CTSK: variants seen among roughly 807,000 people sequenced by gnomAD.
The protein encoded by CTSK is cathepsin O.
In CTSK, 26 loss-of-function variants were observed where a neutral mutation model predicts 40.5. That is an observed-to-expected ratio of 0.64 (90% CI 0.47 to 0.89). CTSK has a LOEUF of 0.89. CTSK is among the 40% of genes least tolerant of loss of function. The probability of loss-of-function intolerance (pLI) is 0.00; values close to 1 mark genes in which losing one functional copy is unlikely to be tolerated. For synonymous variants in CTSK, 132 were observed against 143.2 expected (o/e 0.92, Z 0.56); for missense variants, 292 against 400.1 (o/e 0.73, Z 2.30).
intron 4 of CTSK, among the ~76,000 whole-genome samples, chr1:150,805,189 G>A (rs1654060437): frequency 1.4e-5 from 2 of 145,752 alleles, no homozygotes; most frequent in African/African-American, 5.1e-5. Context: ...ACTCCAGCCT[G>A]GGTGACAGAG....
At position 150,806,704 on chromosome 1, in the gene CTSK, C is replaced by T. The variant is rs1192842027; in HGVS notation, c.102G>A (p.Arg34=). 2 of 1,613,996 alleles carry T rather than the reference C, an allele frequency of 1.2e-6. No individual in the cohort carries two copies. The highest frequency in any genetic ancestry group is 1.7e-6 in the Non-Finnish European group (2 of 1,180,032). ...THWELWKKTH[R]KQYNNKVDEI... is the part of the protein sequence containing the mutation. ...CAGGCACCTTGTTGTTATATTGCTT[C>T]CTGTGGGTCTTCTTCCATAGCTCCC... Residue 34 remains arginine, a synonymous_variant, in exon 2 of 8, where the codon AGG becomes AGA. Coordinates refer to ENST00000271651, the MANE Select transcript of CTSK (RefSeq NM_000396.4).
rs587608592 is a variant in CTSK, at chr1:150,805,664, GGAAAA to G, written c.399+192_399+196del. On this transcript the variant is annotated intron_variant, in intron 4 of 7. Coordinates refer to ENST00000271651, the MANE Select transcript of CTSK (RefSeq NM_000396.4). ...AAAAAAAAAAAAAAAAAAAAAAAAA[GGAAAA>G]GAAAAAGAAAAACCAGAAACAACCC... Among the ~76,000 whole-genome samples, 1,046 of 127,960 alleles carry G rather than the reference GGAAAA, an allele frequency of 8.2e-3. 11 individuals carry two copies. Among genetic ancestry groups the G allele is most frequent in the African/African-American group, 0.028 (980 of 35,020 alleles). 83.9% of individuals were successfully genotyped at this position (127,960 alleles called of 152,430 possible).
chr1:150,801,055 C>G (rs969575595), intron 5 of CTSK: 1 of 132,348 alleles, frequency 7.6e-6, no homozygotes, highest in African/African-American at 2.6e-5. Context: ...TCAGAATAAC[C>G]TGCATTATGC....
rs972351757 is a variant in CTSK at position 150,798,391 on chromosome 1, G to C, written c.890+777C>G. On this transcript the variant is annotated intron_variant, in intron 7 of 7. Transcript: ENST00000271651. ...ACCATCTAAGAAACTGATCACATTAGAGACAAAAGAAAGTAAAAATACGTA... is the reference window on the plus strand; with the variant it reads ...ACCATCTAAGAAACTGATCACATTACAGACAAAAGAAAGTAAAAATACGTA... 1.3e-5 allele frequency among the ~76,000 whole-genome samples: 2 copies of C among 152,158 alleles called. 1 individual carries two copies. The highest frequency in any genetic ancestry group is 4.8e-5 in the African/African-American group (2 of 41,430).
At position 150,796,744 on chromosome 1, in the gene CTSK, A is replaced by G. The variant is rs1653883009; in HGVS notation, c.*55T>C. The G allele has an allele frequency of 3.2e-6, 4 of 1,234,494 alleles. No individual in the cohort carries two copies. The highest frequency in any genetic ancestry group is 4.8e-6 in the Non-Finnish European group (4 of 833,404). 76.5% of individuals were successfully genotyped at this position (1,234,494 alleles called of 1,614,324 possible). A position where few individuals can be genotyped will look rare whatever the true frequency, so the allele number is the denominator to read the frequency against. On this transcript the variant is annotated 3_prime_UTR_variant, in exon 8 of 8. Coordinates refer to ENST00000271651, the MANE Select transcript of CTSK (RefSeq NM_000396.4). ...CAACTCCCTTCCAAAGTGCATCGTT[A>G]CACTGCACCATCGTGGAAGAAATGG...
intron 5 of CTSK, among the ~76,000 whole-genome samples, chr1:150,801,518 C>A (rs1368976505): frequency 1.3e-5 from 2 of 151,666 alleles, no homozygotes; most frequent in African/African-American, 2.4e-5. Flanking sequence ...AATCATTTTA[C>A]TAATTTTACT....
chr1:150,807,677 C>T (rs1027850277), intron 1 of CTSK, among the ~76,000 whole-genome samples: 3 of 152,212 alleles, frequency 2.0e-5, no homozygotes, highest in African/African-American at 7.2e-5. Flanking sequence ...CTTGCATTGG[C>T]TTTCTTAATT....
At position 150,806,019 on chromosome 1, in the gene CTSK, A is replaced by G; in HGVS notation, c.244-3T>C. 1 of 1,614,214 alleles carries G rather than the reference A, an allele frequency of 6.2e-7. No homozygotes were observed. The highest frequency in any genetic ancestry group is 8.5e-7 in the Non-Finnish European group (1 of 1,180,040). On this transcript the variant is annotated splice_region_variant and splice_polypyrimidine_tract_variant and intron_variant, in intron 3 of 7. Coordinates refer to ENST00000271651, the MANE Select transcript of CTSK (RefSeq NM_000396.4). Reference sequence around the variant, plus strand: ...TTCTGAACCACCTCTTCACTGGTCTAAGACAAAGAAGAAAGAGGCCAGGCA... The same window carrying G: ...TTCTGAACCACCTCTTCACTGGTCTGAGACAAAGAAGAAAGAGGCCAGGCA...
chr1:150,806,579 AT>A (rs1557826730), intron 2 of CTSK, 106 bp downstream of exon 2: 10 of 1,447,316 alleles, frequency 6.9e-6, no homozygotes, highest in Admixed American at 1.7e-5. Flanking sequence ...AGAGGGACTG[AT>A]TTGCTTGGAA....
intron 1 of CTSK, among the ~76,000 whole-genome samples, chr1:150,807,085 C>CACACACAG (rs1654119825): frequency 2.5e-5 from 1 of 40,706 alleles, no homozygotes; most frequent in Non-Finnish European, 4.8e-5. Flanking sequence ...CTCTCTCACA[C>CACACACAG]ACACACACAC....
At position 150,796,461 on chromosome 1, in the gene CTSK, A is replaced by C; in HGVS notation, c.*338T>G. The C allele has an allele frequency of 2.3e-6, 1 of 425,682 alleles. No individual in the cohort carries two copies. The highest frequency in any genetic ancestry group is 4.4e-6 in the Non-Finnish European group (1 of 229,406). 26.4% of individuals were successfully genotyped at this position (425,682 alleles called of 1,614,324 possible). On this transcript the variant is annotated 3_prime_UTR_variant, in exon 8 of 8. Coordinates refer to ENST00000271651, the MANE Select transcript of CTSK (RefSeq NM_000396.4). Reference sequence around the variant, plus strand: ...TGCTTAAAGCTAACTAGTCCCGTGAATGAGAATCTAACCTATGTGAAAATC... The same window carrying C: ...TGCTTAAAGCTAACTAGTCCCGTGACTGAGAATCTAACCTATGTGAAAATC...
intron 4 of CTSK, 85 bp downstream of exon 4, chr1:150,805,776 G>T: frequency 7.2e-7 from 1 of 1,387,216 alleles, no homozygotes; most frequent in Non-Finnish European, 1.0e-6. Flanking sequence ...TTTTCCTGGT[G>T]CCCTTTCACC....
At chr1:150,805,638 CAAAAAAAAAAAAAAA>C (rs79027279) in intron 4 of CTSK, among the ~76,000 whole-genome samples, 1 of 55,000 alleles carries the variant, frequency 1.8e-5, no homozygotes, top group Non-Finnish European at 3.2e-5. Context: ...GACTCTATCT[CAAAAAAAAAAAAAAA>C]AAAAAAAAAA....
At chr1:150,799,102 A>G (rs895607416) in intron 7 of CTSK, 66 bp downstream of exon 7, 29 of 1,033,556 alleles carry the variant, frequency 2.8e-5, no homozygotes, top group Admixed American at 1.0e-4. Flanking sequence ...GAATATCGGG[A>G]AGCTGGAGGT....
chr1:150,799,266 A>G lies in CTSK; in HGVS notation c.792T>C (p.Tyr264=), dbSNP rs769392249. Residue 264 remains tyrosine, a synonymous_variant, in exon 7 of 8, where the codon TAT becomes TAC. Coordinates refer to ENST00000271651, the MANE Select transcript of CTSK (RefSeq NM_000396.4). ...TSFQFYSKGV[Y]YDESCNSDNL... ...TATCGCTATTGCAGCTTTCATCATAATACACACCTAGAATACAAACTACCA... is the reference window on the plus strand; with the variant it reads ...TATCGCTATTGCAGCTTTCATCATAGTACACACCTAGAATACAAACTACCA... The G allele has an allele frequency of 1.2e-6, 2 of 1,608,234 alleles. No individual in the cohort carries two copies. The highest frequency in any genetic ancestry group is 1.7e-6 in the Non-Finnish European group (2 of 1,174,590).
intron 5 of CTSK, among the ~76,000 whole-genome samples, chr1:150,803,419 A>T (rs1224733499): frequency 6.6e-6 from 1 of 152,170 alleles, no homozygotes; most frequent in African/African-American, 2.4e-5. Context: ...CCTGTTTCAG[A>T]GGTTTCTGTT....
intron 6 of CTSK, 114 bp downstream of exon 6, chr1:150,799,430 G>T (rs1653939762): frequency 4.4e-6 from 6 of 1,350,588 alleles, no homozygotes; most frequent in Non-Finnish European, 6.4e-6. Context: ...ATTTCTCTCT[G>T]GCCACCTCCA....
intron 5 of CTSK, 72 bp from the exon 6 acceptor site, chr1:150,799,781 C>T (rs1653951009): frequency 7.0e-7 from 1 of 1,425,508 alleles, no homozygotes; most frequent in East Asian, 2.3e-5. Context: ...AGAAACTCAA[C>T]CAATATTTTG....
At chr1:150,802,465 C>G (rs1000301497) in intron 5 of CTSK, among the ~76,000 whole-genome samples, 2 of 152,048 alleles carry the variant, frequency 1.3e-5, no homozygotes, top group Non-Finnish European at 2.9e-5. Flanking sequence ...GTCACCCAGG[C>G]TAGAGAGCAG....
Sources: allele counts gnomAD v4.1 joint callset (sites outside exome capture counted in the v4.1 genomes callset), GRCh38; gene constraint gnomAD v4.1.1; transcripts MANE v1.5; gene names NCBI Gene and HGNC (gene_info 2026-07-23, HGNC 2026-07-21).